The following KCTD16 variants were observed in gnomAD, a reference collection of about 807,000 sequenced individuals.
KCTD16 encodes BTB/POZ domain-containing protein KCTD16.
Under a neutral mutation model 33.2 loss-of-function variants are expected in KCTD16, and 13 were observed. That is an observed-to-expected ratio of 0.39 (90% CI 0.25 to 0.62). The LOEUF is 0.62. Among genes scored for constraint, KCTD16 ranks in the 20% least tolerant of loss-of-function variants. KCTD16 has a pLI of 0.50. For synonymous variants in KCTD16, 197 were observed against 195.3 expected, an observed-to-expected ratio of 1.01 and a Z score of -0.07; for missense variants, 441 against 525.1, an observed-to-expected ratio of 0.84 and a Z score of 1.57.
At chr5:144,209,936 G>C (rs775399611) in intron 3 of KCTD16, among the ~76,000 whole-genome samples, 52 of 148,118 alleles carry the variant, frequency 3.5e-4, no homozygotes, top group Admixed American at 9.5e-4. Flanking sequence ...AAGCTCCTTA[G>C]ATCTAAGGAA....
chr5:144,350,924 A>T (rs763211705), intron 3 of KCTD16, among the ~76,000 whole-genome samples: 2 of 151,824 alleles, frequency 1.3e-5, no homozygotes, highest in Admixed American at 1.3e-4. Flanking sequence ...TAAATTTTCC[A>T]TGCTGAATTC....
intron 3 of KCTD16, among the ~76,000 whole-genome samples, chr5:144,442,771 C>G (rs1753741682): frequency 1.3e-5 from 2 of 152,062 alleles, no homozygotes; most frequent in South Asian, 2.1e-4. Flanking sequence ...TCAGGTAGAG[C>G]TGTGGATCTC....
At chr5:144,401,352 A>ATC (rs1752700093) in intron 3 of KCTD16, among the ~76,000 whole-genome samples, 1 of 152,242 alleles carries the variant, frequency 6.6e-6, no homozygotes. Context: ...GGAAAGGTGT[A>ATC]TCATCTCCTT....
chr5:144,276,902 A>G, intron 3 of KCTD16, among the ~76,000 whole-genome samples: 1 of 79,784 alleles, frequency 1.3e-5, no homozygotes, highest in Admixed American at 1.4e-4. Flanking sequence ...AACCCTGTCT[A>G]AAAAAAAAAA....
rs541328785 is a variant in KCTD16 at position 144,477,777 on chromosome 5, A to G, written c.*3663A>G. On this transcript the variant is annotated 3_prime_UTR_variant, in exon 4 of 4. Coordinates refer to ENST00000512467, the MANE Select transcript of KCTD16 (RefSeq NM_020768.4). ...CTACAATTCCAACCTTCAACTTTGT[A>G]TCTACTATAGTGTAGATCTGTGAAT... 1 of 152,114 alleles carries G rather than the reference A, an allele frequency of 6.6e-6. No individual in the cohort carries two copies. The highest frequency in any genetic ancestry group is 1.9e-4 in the East Asian group (1 of 5,168). 9.4% of individuals were successfully genotyped at this position (152,114 alleles called of 1,614,324 possible). A position where few individuals can be genotyped will look rare whatever the true frequency, so the allele number is the denominator to read the frequency against.
intron 3 of KCTD16, among the ~76,000 whole-genome samples, chr5:144,471,051 G>A (rs1754458132): frequency 6.6e-6 from 1 of 152,088 alleles, no homozygotes; most frequent in Non-Finnish European, 1.5e-5. Context: ...GTGGTGGCAG[G>A]TATCTGTAGT....
intron 3 of KCTD16, among the ~76,000 whole-genome samples, chr5:144,381,849 A>G (rs1752222765): frequency 6.6e-6 from 1 of 152,232 alleles, no homozygotes; most frequent in Non-Finnish European, 1.5e-5. Context: ...GATAACTACC[A>G]TTTGACCCAG....
chr5:144,366,942 C>T (rs1237309092), intron 3 of KCTD16, among the ~76,000 whole-genome samples: 1 of 152,118 alleles, frequency 6.6e-6, no homozygotes, highest in Non-Finnish European at 1.5e-5. Context: ...TCTGAGAAAA[C>T]CACTTTGGCA....
intron 3 of KCTD16, among the ~76,000 whole-genome samples, chr5:144,465,246 C>T (rs1754301538): frequency 7.4e-6 from 1 of 136,052 alleles, no homozygotes; most frequent in Non-Finnish European, 1.5e-5. Context: ...GGACATTAGG[C>T]ATGTGATCAT....
chr5:144,232,388 A>G (rs778685623), intron 3 of KCTD16, among the ~76,000 whole-genome samples: 3 of 152,250 alleles, frequency 2.0e-5, no homozygotes, highest in Admixed American at 6.5e-5. Context: ...TAAGTATATT[A>G]GACACATTAT....
chr5:144,447,889 A>G (rs182366722), intron 3 of KCTD16, among the ~76,000 whole-genome samples: 347 of 152,224 alleles, frequency 2.3e-3, no homozygotes, highest in Middle Eastern at 0.017. Context: ...GCTTTTATCA[A>G]TGCAGTTGCT....
chr5:144,225,213 T>A (rs928134019), intron 3 of KCTD16, among the ~76,000 whole-genome samples: 11 of 152,126 alleles, frequency 7.2e-5, no homozygotes, highest in Non-Finnish European at 1.3e-4. Context: ...TGGGAGAAGG[T>A]GCTTAACATG....
chr5:144,182,110 G>T (rs922487384), intron 2 of KCTD16, among the ~76,000 whole-genome samples: 4 of 151,782 alleles, frequency 2.6e-5, no homozygotes, highest in Admixed American at 1.3e-4. Flanking sequence ...AAGTTATCAG[G>T]CCACTAGAGT....
intron 3 of KCTD16, among the ~76,000 whole-genome samples, chr5:144,430,879 A>G (rs1753443630): frequency 6.6e-6 from 1 of 152,096 alleles, no homozygotes; most frequent in Non-Finnish European, 1.5e-5. Context: ...CTAGTCTTTC[A>G]TTTTATAGTG....
intron 3 of KCTD16, among the ~76,000 whole-genome samples, chr5:144,381,556 T>A (rs1462149268): frequency 6.6e-6 from 1 of 151,300 alleles, no homozygotes; most frequent in African/African-American, 2.4e-5. Flanking sequence ...AAAGGGGGAG[T>A]AGGCATGTCA....
chr5:144,449,473 A>G (rs1052980385), intron 3 of KCTD16, among the ~76,000 whole-genome samples: 5 of 152,030 alleles, frequency 3.3e-5, no homozygotes, highest in African/African-American at 1.2e-4. Context: ...AGTTGATGGT[A>G]TCAGACTTCC....
chr5:144,393,330 A>G (rs1026377662), intron 3 of KCTD16, among the ~76,000 whole-genome samples: 3 of 152,178 alleles, frequency 2.0e-5, no homozygotes, highest in Non-Finnish European at 4.4e-5. Flanking sequence ...ACGAAGAGAG[A>G]GAGCTAAAAA....
chr5:144,252,417 T>C (rs1754725192), intron 3 of KCTD16, among the ~76,000 whole-genome samples: 1 of 152,182 alleles, frequency 6.6e-6, no homozygotes, highest in African/African-American at 2.4e-5. Context: ...CCATTATTAA[T>C]TTTCAGTGTG....
intron 3 of KCTD16, among the ~76,000 whole-genome samples, chr5:144,230,471 T>C (rs1754069837): frequency 6.6e-6 from 1 of 152,226 alleles, no homozygotes. Context: ...GTGGATATCA[T>C]TGGATTTATG....
Sources: gnomAD v4.1 joint callset for allele counts (sites outside exome capture counted in the v4.1 genomes callset) on GRCh38, gnomAD v4.1.1 for gene constraint, MANE v1.5 for transcripts, NCBI Gene and HGNC (gene_info 2026-07-23, HGNC 2026-07-21) for gene names.